The following FRMPD4 variants were observed in gnomAD, a reference collection of about 807,000 sequenced individuals.
The protein encoded by FRMPD4 is FERM and PDZ domain-containing protein 4.
Under a neutral mutation model 94.1 loss-of-function variants are expected in FRMPD4, and 22 were observed. The observed-to-expected ratio is 0.23, with a 90% CI of 0.17 to 0.33. The LOEUF (loss-of-function observed/expected upper bound fraction) is 0.33. Among genes scored for constraint, FRMPD4 ranks in the 10% least tolerant of loss-of-function variants. The probability of loss-of-function intolerance (pLI) is 1.00; values close to 1 mark genes in which losing one functional copy is unlikely to be tolerated. For synonymous variants in FRMPD4, 631 were observed against 548.6 expected (o/e 1.15, Z -2.10); for missense variants, 1,111 against 1,339.9 (o/e 0.83, Z 2.67).
chrX:11,824,818 G>C (rs1320869945), intron 1 of FRMPD4, among the ~76,000 whole-genome samples: 1 of 111,006 alleles, frequency 9.0e-6, no homozygotes, highest in African/African-American at 3.3e-5. Flanking sequence ...TCAGGGCTGA[G>C]CCACAGTGAG....
chrX:11,996,982 A>G (rs973998031), intron 3 of FRMPD4, among the ~76,000 whole-genome samples: 2 of 111,689 alleles, frequency 1.8e-5, no homozygotes, highest in Non-Finnish European at 3.8e-5. Flanking sequence ...CTTAAAATGA[A>G]GCATAGACAG....
chrX:12,240,099 C>T (rs1440038003), intron 1 of FRMPD4, among the ~76,000 whole-genome samples: 1 of 112,439 alleles, frequency 8.9e-6, no homozygotes, highest in African/African-American at 3.2e-5. Context: ...GCTGAGTTTA[C>T]CATTGAAAAT....
At chrX:11,893,495 T>C (rs998618171) in intron 3 of FRMPD4, among the ~76,000 whole-genome samples, 1 of 112,153 alleles carries the variant, frequency 8.9e-6, no homozygotes, top group Non-Finnish European at 1.9e-5. Flanking sequence ...CTAATAACCT[T>C]TTTTAGTTAG....
intron 1 of FRMPD4, among the ~76,000 whole-genome samples, chrX:12,402,860 G>A (rs1213693897): frequency 8.9e-6 from 1 of 112,184 alleles, no homozygotes; most frequent in South Asian, 3.7e-4. Flanking sequence ...CTTGGAAGCA[G>A]AGATCAGCCC....
At chrX:12,165,230 G>C (rs1294682032) in intron 1 of FRMPD4, among the ~76,000 whole-genome samples, 10 of 112,196 alleles carry the variant, frequency 8.9e-5, no homozygotes, top group Non-Finnish European at 1.1e-4. Context: ...TTTTGTATAA[G>C]GTGTAAGGAA....
chrX:12,241,183 A>G (rs1357206649), intron 1 of FRMPD4, among the ~76,000 whole-genome samples: 1 of 112,439 alleles, frequency 8.9e-6, no homozygotes, highest in Admixed American at 9.4e-5. Context: ...AAAGCAGTGT[A>G]TAAAACTGAT....
intron 3 of FRMPD4, among the ~76,000 whole-genome samples, chrX:11,971,777 G>A (rs1339876220): frequency 8.9e-6 from 1 of 111,948 alleles, no homozygotes; most frequent in Non-Finnish European, 1.9e-5. Context: ...CACTATTTTA[G>A]GTACCCCTAA....
intron 1 of FRMPD4, among the ~76,000 whole-genome samples, chrX:12,453,044 T>A (rs2057291099): frequency 8.9e-6 from 1 of 112,244 alleles, no homozygotes; most frequent in Non-Finnish European, 1.9e-5. Flanking sequence ...TACTCAAAAA[T>A]AAAATAAAAA....
chrX:12,212,209 TA>T (rs909300611), intron 1 of FRMPD4, among the ~76,000 whole-genome samples: 30 of 107,395 alleles, frequency 2.8e-4, no homozygotes, highest in African/African-American at 8.7e-4. Flanking sequence ...TTTAAAAATG[TA>T]AAAAAAAAAA....
At chrX:12,200,554 C>CA (rs1390346690) in intron 1 of FRMPD4, among the ~76,000 whole-genome samples, 3 of 110,709 alleles carry the variant, frequency 2.7e-5, no homozygotes, top group Non-Finnish European at 5.7e-5. Context: ...GGCTGGTCTC[C>CA]AACCCCTGGG....
chrX:12,434,789 T>G (rs73436748), intron 1 of FRMPD4, among the ~76,000 whole-genome samples: 3,086 of 112,473 alleles, frequency 0.027, 111 homozygotes, highest in African/African-American at 0.093. Context: ...AGAATGGGTG[T>G]TGGGGGAAAG....
intron 1 of FRMPD4, among the ~76,000 whole-genome samples, chrX:12,463,454 A>T (rs1005318892): frequency 1.8e-5 from 2 of 111,876 alleles, no homozygotes; most frequent in Non-Finnish European, 3.8e-5. Flanking sequence ...TTTCTAAAAT[A>T]AATGATTATG....
intron 1 of FRMPD4, among the ~76,000 whole-genome samples, chrX:12,188,977 A>C (rs1436264988): frequency 8.9e-6 from 1 of 111,855 alleles, no homozygotes; most frequent in Non-Finnish European, 1.9e-5. Flanking sequence ...AAATCAATAA[A>C]GAAATTTCTT....
intron 1 of FRMPD4, among the ~76,000 whole-genome samples, chrX:12,405,162 A>C (rs1206715278): frequency 2.7e-5 from 3 of 111,641 alleles, no homozygotes; most frequent in Admixed American, 9.5e-5. Flanking sequence ...GATGAGAATC[A>C]CTGGTTTAAA....
intron 3 of FRMPD4, among the ~76,000 whole-genome samples, chrX:11,999,864 G>A (rs2054515203): frequency 9.0e-6 from 1 of 111,052 alleles, no homozygotes; most frequent in Non-Finnish European, 1.9e-5. Flanking sequence ...GCATGCTGCT[G>A]ATGGCTCTGT....
At chrX:12,053,374 GAAAGA>G (rs2054831697) in intron 3 of FRMPD4, among the ~76,000 whole-genome samples, 16 of 65,181 alleles carry the variant, frequency 2.5e-4, no homozygotes, top group East Asian at 1.8e-3. Flanking sequence ...AAGAAAGAAA[GAAAGA>G]AAGAAAGAAA....
chrX:12,102,736 G>A (rs1356082409), intron 3 of FRMPD4, among the ~76,000 whole-genome samples: 1 of 110,403 alleles, frequency 9.1e-6, no homozygotes, highest in Non-Finnish European at 1.9e-5. Context: ...TTAGGGGAAG[G>A]TGGTTATGAA....
At chrX:12,167,647 A>G (rs1001993181) in intron 1 of FRMPD4, among the ~76,000 whole-genome samples, 6 of 111,611 alleles carry the variant, frequency 5.4e-5, no homozygotes, top group African/African-American at 2.0e-4. Flanking sequence ...CCCATGGAAT[A>G]GTTCTGAAAT....
chrX:12,412,290 C>G (rs544305715), intron 1 of FRMPD4, among the ~76,000 whole-genome samples: 1 of 112,051 alleles, frequency 8.9e-6, no homozygotes, highest in South Asian at 3.7e-4. Flanking sequence ...TGCCCATTGT[C>G]TGAATTATCT....
Sources: allele counts gnomAD v4.1 joint callset (sites outside exome capture counted in the v4.1 genomes callset), GRCh38; gene constraint gnomAD v4.1.1; transcripts MANE v1.5; gene names NCBI Gene and HGNC (gene_info 2026-07-23, HGNC 2026-07-21).